Variants in MYO19 observed in about 807,000 individuals in gnomAD.
The protein encoded by MYO19 is myosin XIX.
In MYO19, 132 loss-of-function variants were observed where a neutral mutation model predicts 129.2. That is an observed-to-expected ratio of 1.02 (90% CI 0.89 to 1.18). The LOEUF (loss-of-function observed/expected upper bound fraction) is 1.18, where lower values mean the gene tolerates loss of function less well. Among genes scored for constraint, MYO19 ranks in the 50% most tolerant of loss-of-function variants. The pLI, the probability that MYO19 is intolerant of heterozygous loss-of-function variation, is 0.00. For missense variants in MYO19, 1,210 were observed against 1,216.7 expected (o/e 0.99, Z 0.08); for synonymous variants, 531 against 477.2 (o/e 1.11, Z -1.47).
upstream of MYO19, chr17:36,538,032 G>A: frequency 3.1e-6 from 5 of 1,614,050 alleles, no homozygotes; most frequent in South Asian, 1.1e-5. Flanking sequence ...CTCTACCCTG[G>A]GGTATGTGGC....
At chr17:36,543,162 A>C (rs2074207112) in exon 1 of MYO19, 2 of 152,120 alleles carry the variant, frequency 1.3e-5, no homozygotes. Flanking sequence ...AGACATAAAA[A>C]AAATTTTTTT....
chr17:36,520,472 T>C (rs1373252729), intron 6 of MYO19, among the ~76,000 whole-genome samples: 4 of 152,214 alleles, frequency 2.6e-5, no homozygotes, highest in East Asian at 1.9e-4. Flanking sequence ...ACAAGTACAG[T>C]TGACCCTTGA....
chr17:36,518,499 A>G, intron 6 of MYO19, among the ~76,000 whole-genome samples: 6 of 25,656 alleles, frequency 2.3e-4, no homozygotes, highest in Non-Finnish European at 3.6e-4. Flanking sequence ...GAAAAAAAAA[A>G]AAAAAAAAAA....
chr17:36,511,293 C>G, intron 12 of MYO19, 72 bp downstream of exon 12: 1 of 1,491,094 alleles, frequency 6.7e-7, no homozygotes, highest in Non-Finnish European at 9.1e-7. Context: ...ACCATCCAGC[C>G]TTCCACCCAA....
In MYO19 at chr17:36,510,798, G is replaced by T. The variant is rs757262975; in HGVS notation, c.1105C>A (p.Arg369=). ...TCTCTACGGGTGTCACACTCGGCTC[G>T]GGCGCAGGGCTTCCGGAACACCTGC... ...QQQVFRKPCA[R]AECDTRRDCL... is the part of the protein sequence containing the mutation. The change falls in exon 13 of 26, where the codon CGA becomes AGA. Residue 369 remains arginine (R), a synonymous_variant. Coordinates refer to ENST00000614623, the MANE Select transcript of MYO19 (RefSeq NM_001163735.2). 1 of 1,603,064 alleles carries T rather than the reference G, an allele frequency of 6.2e-7. No individual in the cohort carries two copies. Among genetic ancestry groups the T allele is most frequent in the Non-Finnish European group, 8.5e-7 (1 of 1,175,050 alleles).
At chr17:36,510,194 G>T (rs1260638526) in intron 13 of MYO19, among the ~76,000 whole-genome samples, 1 of 152,248 alleles carries the variant, frequency 6.6e-6, no homozygotes. Flanking sequence ...AACTCAAGGT[G>T]AGAGATCATC....
intron 3 of MYO19, among the ~76,000 whole-genome samples, chr17:36,531,540 TTA>T (rs1272913354): frequency 6.6e-6 from 1 of 152,104 alleles, no homozygotes; most frequent in Admixed American, 6.6e-5. Flanking sequence ...TTGAAAAGTA[TTA>T]TATTTTTGTG....
At chr17:36,537,806 C>G (rs61755368), upstream of MYO19, 13,340 of 1,614,112 alleles carry the variant, frequency 8.3e-3, 73 homozygotes, top group Non-Finnish European at 9.2e-3. Context: ...ATGGAGTTCA[C>G]TGGAACTTTT....
rs116621043 is a variant in MYO19, at chr17:36,514,755, C to G, written c.618-207G>C. Among the ~76,000 whole-genome samples the G allele has an allele frequency of 2.6e-3, 390 of 152,330 alleles. 1 individual carries two copies. The highest frequency in any genetic ancestry group is 8.9e-3 in the African/African-American group (372 of 41,568). On this transcript the variant is annotated intron_variant, in intron 8 of 25. Transcript: ENST00000614623. ...CTGCATCTAGCTCAGGTGGGCAGGG[C>G]CAAGGCCTCTGCACATCACTTTGCT...
Position 36,513,656 on chromosome 17 carries a change from G to T in MYO19, c.790C>A (p.Leu264Met), listed in dbSNP as rs750777727. ...HLPEGAAFSW[L>M]PNPERSLEED... ...TCTAAGCTCCTCTCTGGGTTGGGCA[G>T]CCAGGAGAAGGCAGCTCCCTCAGGA... The change falls in exon 10 of 26, where the codon CTG (leucine) becomes ATG (methionine). Residue 264 changes from leucine to methionine, a missense_variant. Physicochemically the swap from Leu to Met is conservative, Grantham distance 15. Coordinates refer to ENST00000614623, the MANE Select transcript of MYO19 (RefSeq NM_001163735.2). 13 of 1,613,906 alleles carry T rather than the reference G, an allele frequency of 8.1e-6. No individual in the cohort carries two copies. Among genetic ancestry groups the T allele is most frequent in the Admixed American group, 3.3e-5 (2 of 60,010 alleles).
At chr17:36,503,257 G>A (rs1393768470) in intron 20 of MYO19, 57 bp from the exon 21 acceptor site, 18 of 1,364,374 alleles carry the variant, frequency 1.3e-5, no homozygotes, top group Non-Finnish European at 1.6e-5. Context: ...CCAGGTTAAC[G>A]GTTCAGGGCT....
chr17:36,530,449 G>A (rs1332354535), intron 3 of MYO19, among the ~76,000 whole-genome samples: 1 of 143,702 alleles, frequency 7.0e-6, no homozygotes, highest in Non-Finnish European at 1.5e-5. Flanking sequence ...TTCTAAAAGT[G>A]GCTTTTTTTT....
In MYO19 at chr17:36,513,160, G is replaced by A. The variant is rs529515415; in HGVS notation, c.894+269C>T. On this transcript the variant is annotated intron_variant, in intron 11 of 25. Coordinates refer to ENST00000614623, the MANE Select transcript of MYO19 (RefSeq NM_001163735.2). The stretch of plus-strand genomic sequence containing the variant: ...CACTAGTTCTCTCTTCTGATCATGC[G>A]GTACCTTGCTCTCTGCCCCCATGGA... The A allele has an allele frequency of 8.7e-5, 123 of 1,406,782 alleles. 1 individual carries two copies. The African/African-American group carries it at 1.0e-3, about 12-fold the overall frequency. The allele number at this position is 1,406,782 out of a possible 1,614,324, so 87.1% of individuals were successfully genotyped here. A position where few individuals can be genotyped will look rare whatever the true frequency, so the allele number is the denominator to read the frequency against.
intron 6 of MYO19, among the ~76,000 whole-genome samples, chr17:36,517,188 C>T (rs1483544): frequency 0.45 from 67,687 of 152,050 alleles, 15,238 homozygotes; most frequent in East Asian, 0.48. Context: ...ATGTCTACTC[C>T]TTCATTCCTG....
chr17:36,516,129 C>T, intron 6 of MYO19, 139 bp from the exon 7 acceptor site: 2 of 1,020,066 alleles, frequency 2.0e-6, no homozygotes, highest in Admixed American at 5.9e-5. Context: ...GAATTCAACC[C>T]TGGCCTCAGG....
At chr17:36,511,513 G>T in intron 11 of MYO19, 58 bp from the exon 12 acceptor site, 1 of 1,460,856 alleles carries the variant, frequency 6.8e-7, no homozygotes, top group Non-Finnish European at 9.4e-7. Flanking sequence ...GGCCTACTCT[G>T]GGAAGGGCCG....
chr17:36,536,199 C>T (rs528430705), upstream of MYO19, among the ~76,000 whole-genome samples: 2 of 152,288 alleles, frequency 1.3e-5, no homozygotes, highest in East Asian at 3.9e-4. Flanking sequence ...GTACCTACTT[C>T]CATCCTAACC....
Position 36,508,093 on chromosome 17 carries a change from C to T in MYO19, c.1232-169G>A, listed in dbSNP as rs2072046546. Reference sequence around the variant, plus strand: ...GGTGGGCAGAACATACCTTCCCCACCCTCCACCCAAGGTGGCTCCCATCTC... The same window carrying T: ...GGTGGGCAGAACATACCTTCCCCACTCTCCACCCAAGGTGGCTCCCATCTC... On this transcript the variant is annotated intron_variant, in intron 14 of 25. Transcript: ENST00000614623. 3 of 625,166 alleles carry T rather than the reference C, an allele frequency of 4.8e-6. No individual in the cohort carries two copies. The South Asian group carries it at 9.8e-5, about 20-fold the overall frequency. 38.7% of individuals were successfully genotyped at this position (625,166 alleles called of 1,614,324 possible).
At chr17:36,513,795 T>TGGGGTTGGGATAAGAGG (rs2072540610) in intron 9 of MYO19, 70 bp from the exon 10 acceptor site, 2 of 1,389,280 alleles carry the variant, frequency 1.4e-6, no homozygotes, top group Non-Finnish European at 2.0e-6. Context: ...TAGGCAGGCA[T>TGGGGTTGGGATAAGAGG]GGGGTTGGGA....
Sources: allele counts gnomAD v4.1 joint callset (sites outside exome capture counted in the v4.1 genomes callset), GRCh38; gene constraint gnomAD v4.1.1; transcripts MANE v1.5; gene names NCBI Gene and HGNC (gene_info 2026-07-23, HGNC 2026-07-21).